The following TRIP6 variants were observed in gnomAD, a reference collection of about 807,000 sequenced individuals.
TRIP6 encodes the protein thyroid hormone receptor interactor 6, also known as thyroid receptor-interacting protein 6.
In TRIP6, 33 loss-of-function variants were observed where a neutral mutation model predicts 51.9. That is an observed-to-expected ratio of 0.64 (90% CI 0.48 to 0.85). The LOEUF (loss-of-function observed/expected upper bound fraction) is 0.85. Among genes scored for constraint, TRIP6 ranks in the 40% least tolerant of loss-of-function variants. The pLI, the probability that TRIP6 is intolerant of heterozygous loss-of-function variation, is 0.00. For missense variants in TRIP6, 661 were observed against 652.1 expected, an observed-to-expected ratio of 1.01 and a Z score of -0.15; for synonymous variants, 255 against 275.8, an observed-to-expected ratio of 0.92 and a Z score of 0.75.
At chr7:100,873,074 C>T in intron 8 of TRIP6, 98 bp from the exon 9 acceptor site, 2 of 1,501,970 alleles carry the variant, frequency 1.3e-6, no homozygotes, top group South Asian at 1.2e-5. Context: ...TGGTCTTGAA[C>T]TCCTGACCTT....
At chr7:100,868,356 C>T in intron 3 of TRIP6, 123 bp downstream of exon 3, 1 of 1,567,768 alleles carries the variant, frequency 6.4e-7, no homozygotes. Flanking sequence ...GCTGCAAGTA[C>T]CAACATGTCA....
intron 4 of TRIP6, among the ~76,000 whole-genome samples, chr7:100,869,310 G>A (rs1325007633): frequency 2.6e-5 from 4 of 151,638 alleles, no homozygotes; most frequent in Non-Finnish European, 1.5e-5. Flanking sequence ...AATAGGTAAG[G>A]GCAGGGCAGT....
Position 100,872,752 on chromosome 7 carries a change from G to C in TRIP6, c.1299+8G>C, listed in dbSNP as rs760888157. 1.4e-5 allele frequency: 23 copies of C among 1,613,668 alleles called. No individual in the cohort carries two copies. The highest frequency in any genetic ancestry group is 1.8e-5 in the Non-Finnish European group (21 of 1,179,828). ...GGCTGTTACAAGTGCGAGGTCAGGG[G>C]CCCCCAGCACGTGCAAGGGGCTGGC... On this transcript the variant is annotated splice_region_variant and intron_variant, in intron 8 of 8. Coordinates refer to ENST00000200457, the MANE Select transcript of TRIP6 (RefSeq NM_003302.3).
At chr7:100,869,927 G>C (rs540222847) in intron 4 of TRIP6, among the ~76,000 whole-genome samples, 1 of 151,004 alleles carries the variant, frequency 6.6e-6, no homozygotes, top group African/African-American at 2.4e-5. Context: ...AATTGTTTCG[G>C]TATATATTAC....
chr7:100,872,765 G>A (rs202220404), intron 8 of TRIP6, 21 bp downstream of exon 8: 5 of 1,613,452 alleles, frequency 3.1e-6, no homozygotes, highest in South Asian at 1.1e-5. Context: ...CCCAGCACGT[G>A]CAAGGGGCTG....
At position 100,871,597 on chromosome 7, in the gene TRIP6, CG is replaced by C; in HGVS notation, c.1057del (p.Ala353LeufsTer54). ...CCAGCCCATCCTGGACCGGATCCTG[CG>C]GGCTATGGGGAAGGCCTACCACCCT... ...CSQPILDRIL[R>X]AMGKAYHPGC... On this transcript the variant is annotated frameshift_variant, in exon 7 of 9. Transcript: ENST00000200457. LOFTEE classifies it high-confidence loss of function. 9 of 1,614,080 alleles carry C rather than the reference CG, an allele frequency of 5.6e-6. No homozygotes were observed. Among genetic ancestry groups the C allele is most frequent in the South Asian group, 1.1e-5 (1 of 91,084 alleles).
At chr7:100,870,151 T>A (rs1404034837) in intron 4 of TRIP6, among the ~76,000 whole-genome samples, 1 of 152,112 alleles carries the variant, frequency 6.6e-6, no homozygotes, top group African/African-American at 2.4e-5. Context: ...CATGCTCCTA[T>A]GAGAATCTAA....
Position 100,872,679 on chromosome 7 carries a change from C to G in TRIP6, c.1234C>G (p.Gln412Glu). 1 of 1,614,096 alleles carries G rather than the reference C, an allele frequency of 6.2e-7. No homozygotes were observed. ...CGGAIMPEPGQEETVRIVALD... is the reference protein window; with the variant it reads ...CGGAIMPEPGEEETVRIVALD... Reference sequence around the variant, plus strand: ...TGGGGCCATAATGCCTGAGCCAGGTCAGGAGGAGACTGTGAGAATTGTTGC... The same window carrying G: ...TGGGGCCATAATGCCTGAGCCAGGTGAGGAGGAGACTGTGAGAATTGTTGC... The change falls in exon 8 of 9, where the codon CAG (glutamine) becomes GAG (glutamate). Residue 412 changes from glutamine to glutamate, a missense_variant. Transcript: ENST00000200457.
chr7:100,873,161 T>A lies in TRIP6; in HGVS notation c.1300-11T>A, dbSNP rs1275480712. The A allele has an allele frequency of 1.2e-6, 2 of 1,607,490 alleles. No individual in the cohort carries two copies. The highest frequency in any genetic ancestry group is 3.3e-5 in the Admixed American group (2 of 59,840). ...ATCGCGCCCGGCCAATTGTTGCTTCTTTTTCAACAGGAGTGTGGGCTGCTG... is the reference window on the plus strand; with the variant it reads ...ATCGCGCCCGGCCAATTGTTGCTTCATTTTCAACAGGAGTGTGGGCTGCTG... On this transcript the variant is annotated splice_polypyrimidine_tract_variant and intron_variant, in intron 8 of 8. Coordinates refer to ENST00000200457, the MANE Select transcript of TRIP6 (RefSeq NM_003302.3).
In TRIP6 at chr7:100,867,600, G is replaced by C; in HGVS notation, c.103G>C (p.Gly35Arg). The C allele has an allele frequency of 1.3e-6, 2 of 1,540,242 alleles. No homozygotes were observed. Among genetic ancestry groups the C allele is most frequent in the Non-Finnish European group, 1.7e-6 (2 of 1,146,846 alleles). The change falls in exon 1 of 9, where the codon GGA becomes CGA. Residue 35 changes from glycine (G) to arginine (R), a missense_variant. Physicochemically the swap from Gly to Arg is moderately radical, Grantham distance 125. Transcript: ENST00000200457. This position sits in a 1 kb window ranked among gnomAD's most constrained non-coding sequence, Gnocchi z 5.4. ...CACCCCGGGGCCACCACCGGCCCAC[G>C]GAGCAGGTAAGGCAGCCCTTGTGAG... is the stretch of plus-strand genomic sequence containing the variant. ...RGTPGPPPAH[G>R]AALQPHPRVN...
Position 100,868,876 on chromosome 7 carries a change from G to A in TRIP6, c.735+10G>A. The A allele has an allele frequency of 2.0e-6, 3 of 1,491,576 alleles. No individual in the cohort carries two copies. The highest frequency in any genetic ancestry group is 4.9e-5 in the East Asian group (2 of 41,120). The allele number at this position is 1,491,576 out of a possible 1,614,324, so 92.4% of individuals were successfully genotyped here. A position where few individuals can be genotyped will look rare whatever the true frequency, so the allele number is the denominator to read the frequency against. On this transcript the variant is annotated intron_variant, in intron 4 of 8. Coordinates refer to ENST00000200457, the MANE Select transcript of TRIP6 (RefSeq NM_003302.3). ...CGAGCACGGGCCCCAGGTGAGCCCT[G>A]GGGAACTGGGATTTCAGGCCCTACA...
chr7:100,868,730 T>G lies in TRIP6; in HGVS notation c.599T>G (p.Phe200Cys), dbSNP rs758930790. The G allele has an allele frequency of 6.4e-7, 1 of 1,565,644 alleles. No homozygotes were observed. The change falls in exon 4 of 9, where the codon TTT (phenylalanine) becomes TGT (cysteine). Residue 200 changes from phenylalanine to cysteine, a missense_variant. Phe to Cys is a radical substitution (Grantham distance 205, BLOSUM62 -2). Transcript: ENST00000200457. ...TCTGGGCCCCTCCCGGGCCCCCACT[T>G]TCCTCTCCCAGGCCGAGGTGAAGTC... ...QASGPLPGPH[F>C]PLPGRGEVWG...
At chr7:100,872,547 C>G in intron 7 of TRIP6, 77 bp from the exon 8 acceptor site, 1 of 1,586,978 alleles carries the variant, frequency 6.3e-7, no homozygotes, top group East Asian at 2.2e-5. Flanking sequence ...CTCCTGTGCC[C>G]CACCTTCTCT....
chr7:100,871,678 G>C lies in TRIP6; in HGVS notation c.1135G>C (p.Val379Leu). The C allele has an allele frequency of 6.2e-7, 1 of 1,614,082 alleles. No homozygotes were observed. The highest frequency in any genetic ancestry group is 8.5e-7 in the Non-Finnish European group (1 of 1,180,038). Residue 379 changes from valine to leucine, a missense_variant, in exon 7 of 9, where the codon GTG (valine) becomes CTG (leucine). Transcript: ENST00000200457. The part of the protein sequence containing the change: ...HRGLDGIPFT[V>L]DATSQIHCIE... ...CGGCCTCGACGGCATCCCCTTCACA[G>C]TGGATGCTACGAGCCAGATCCACTG...
rs1350721342 is a variant in TRIP6, at chr7:100,871,568, G to C, written c.1025G>C (p.Cys342Ser). The C allele has an allele frequency of 6.2e-7, 1 of 1,613,868 alleles. No individual in the cohort carries two copies. The highest frequency in any genetic ancestry group is 8.5e-7 in the Non-Finnish European group (1 of 1,179,972). Reference sequence around the variant, plus strand: ...GCCACCCTGGAGAAATGTGCCACGTGCTCCCAGCCCATCCTGGACCGGATC... The same window carrying C: ...GCCACCCTGGAGAAATGTGCCACGTCCTCCCAGCCCATCCTGGACCGGATC... ...YVATLEKCATCSQPILDRILR... is the reference protein window; with the variant it reads ...YVATLEKCATSSQPILDRILR... The change falls in exon 7 of 9, where the codon TGC becomes TCC. Residue 342 changes from cysteine to serine, a missense_variant. Cys to Ser is a moderately radical substitution (Grantham distance 112, BLOSUM62 -1). Transcript: ENST00000200457.
At chr7:100,872,181 G>GTT (rs34239953) in intron 7 of TRIP6, among the ~76,000 whole-genome samples, 960 of 95,598 alleles carry the variant, frequency 0.01, 16 homozygotes, top group Middle Eastern at 0.037. Flanking sequence ...CGCCTGGCTA[G>GTT]TTTTTTTTTT....
At chr7:100,872,103 C>T (rs1209743787) in intron 7 of TRIP6, among the ~76,000 whole-genome samples, 1 of 151,452 alleles carries the variant, frequency 6.6e-6, no homozygotes, top group East Asian at 1.9e-4. Flanking sequence ...CAACCTCCAC[C>T]ACCTGGGTTC....
rs1409427845 is a variant in TRIP6, at chr7:100,871,683, T to C, written c.1140T>C (p.Asp380=). ...RGLDGIPFTV[D]ATSQIHCIED... ...TCGACGGCATCCCCTTCACAGTGGA[T>C]GCTACGAGCCAGATCCACTGCATTG... The change falls in exon 7 of 9, where the codon GAT becomes GAC. Residue 380 remains aspartate, a synonymous_variant. Coordinates refer to ENST00000200457, the MANE Select transcript of TRIP6 (RefSeq NM_003302.3). 6.2e-7 allele frequency: 1 copy of C among 1,613,972 alleles called. No individual in the cohort carries two copies. The highest frequency in any genetic ancestry group is 8.5e-7 in the Non-Finnish European group (1 of 1,180,038).
intron 6 of TRIP6, 49 bp downstream of exon 6, chr7:100,870,792 G>T: frequency 6.4e-7 from 1 of 1,574,398 alleles, no homozygotes; most frequent in South Asian, 1.2e-5. Flanking sequence ...GATGCAGGGG[G>T]CTTCCATCCA....
Sources: gnomAD v4.1 joint callset for allele counts (sites outside exome capture counted in the v4.1 genomes callset) on GRCh38, gnomAD v4.1.1 for gene constraint, Gnocchi (gnomAD v3.1) non-coding constraint, MANE v1.5 for transcripts, NCBI Gene and HGNC (gene_info 2026-07-23, HGNC 2026-07-21) for gene names.